The following RPS6KC1 variants were observed in gnomAD, a reference collection of about 807,000 sequenced individuals.
The protein encoded by RPS6KC1 is inactive ribosomal protein S6 kinase delta-1.
Under a neutral mutation model 103.8 loss-of-function variants are expected in RPS6KC1, and 54 were observed. The ratio of observed to expected loss-of-function variants is 0.52; its 90% CI spans 0.42 to 0.65. The LOEUF is 0.65. Among genes scored for constraint, RPS6KC1 ranks in the 30% least tolerant of loss-of-function variants. RPS6KC1 has a pLI of 0.00. For missense variants in RPS6KC1, 1,151 were observed against 1,253.8 expected (o/e 0.92, Z 1.24); for synonymous variants, 439 against 438.7 (o/e 1.00, Z -0.01).
At chr1:213,729,772 A>AT in the RPS6KC1 span, among the ~76,000 whole-genome samples, 141 of 147,588 alleles carry the variant, frequency 9.6e-4, no homozygotes, top group Middle Eastern at 6.9e-3. Flanking sequence ...ATGAATTGTT[A>AT]TTTTTTTTTT....
intron 6 of RPS6KC1, among the ~76,000 whole-genome samples, chr1:213,146,025 AC>A (rs973426559): frequency 2.0e-5 from 2 of 101,512 alleles, no homozygotes; most frequent in Non-Finnish European, 3.8e-5. Context: ...CCTCCCTGTA[AC>A]CCCCCCACTA....
the RPS6KC1 span, among the ~76,000 whole-genome samples, chr1:213,314,036 C>T: frequency 1.3e-5 from 2 of 152,096 alleles, no homozygotes; most frequent in African/African-American, 2.4e-5. Context: ...TTGGCAGGGC[C>T]CTGCTTCCTC....
At chr1:213,393,338 A>T in the RPS6KC1 span, among the ~76,000 whole-genome samples, 1 of 152,162 alleles carries the variant, frequency 6.6e-6, no homozygotes, top group Non-Finnish European at 1.5e-5. Context: ...CTGCCATTCC[A>T]CCAAGAATCC....
At chr1:213,785,729 A>G in the RPS6KC1 span, among the ~76,000 whole-genome samples, 1 of 152,180 alleles carries the variant, frequency 6.6e-6, no homozygotes, top group Admixed American at 6.5e-5. Context: ...TTTATAGCCT[A>G]GTTTTCATTA....
chr1:213,057,576 T>C (rs567712394), intron 1 of RPS6KC1, among the ~76,000 whole-genome samples: 4 of 152,194 alleles, frequency 2.6e-5, no homozygotes, highest in South Asian at 4.1e-4. Context: ...TAGAATCATA[T>C]AGTATTTAGC....
chr1:213,636,306 G>T, the RPS6KC1 span, among the ~76,000 whole-genome samples: 3 of 152,154 alleles, frequency 2.0e-5, no homozygotes, highest in Non-Finnish European at 4.4e-5. Flanking sequence ...AGCCCTCATT[G>T]CCAAGAGAAA....
At chr1:213,163,188 T>G (rs1431489035) in intron 6 of RPS6KC1, among the ~76,000 whole-genome samples, 1 of 152,114 alleles carries the variant, frequency 6.6e-6, no homozygotes, top group African/African-American at 2.4e-5. Flanking sequence ...GTGACTAAAG[T>G]TGTTAACAAC....
chr1:213,848,268 A>C, the RPS6KC1 span, among the ~76,000 whole-genome samples: 1 of 152,208 alleles, frequency 6.6e-6, no homozygotes, highest in South Asian at 2.1e-4. Flanking sequence ...AAAATACCCC[A>C]AAATTCATGT....
the RPS6KC1 span, among the ~76,000 whole-genome samples, chr1:213,662,428 A>T: frequency 1.4e-3 from 174 of 120,960 alleles, 3 homozygotes; most frequent in Non-Finnish European, 2.2e-3. Context: ...CACCTGGCTA[A>T]TTTTTTTTTT....
chr1:213,803,480 CAGGTGATCCG>C, the RPS6KC1 span, among the ~76,000 whole-genome samples: 1 of 152,074 alleles, frequency 6.6e-6, no homozygotes, highest in African/African-American at 2.4e-5. Context: ...CTCCCGATCC[CAGGTGATCCG>C]CCCGCCTCGG....
At chr1:213,646,895 A>ATATATG in the RPS6KC1 span, among the ~76,000 whole-genome samples, 1 of 148,730 alleles carries the variant, frequency 6.7e-6, no homozygotes, top group Non-Finnish European at 1.5e-5. Context: ...ATATATATAT[A>ATATATG]TATTTTTGTT....
chr1:213,337,709 TACTC>T, the RPS6KC1 span, among the ~76,000 whole-genome samples: 1 of 152,200 alleles, frequency 6.6e-6, no homozygotes, highest in Non-Finnish European at 1.5e-5. Context: ...TACATCCACT[TACTC>T]ATTTATTCAT....
the RPS6KC1 span, among the ~76,000 whole-genome samples, chr1:213,576,062 G>C: frequency 6.6e-6 from 1 of 152,148 alleles, no homozygotes; most frequent in Non-Finnish European, 1.5e-5. Context: ...GGACCTTGCT[G>C]AAGGGTTGGG....
chr1:213,195,846 G>GTGTGTATA (rs553713944), intron 8 of RPS6KC1, among the ~76,000 whole-genome samples: 5 of 150,838 alleles, frequency 3.3e-5, no homozygotes, highest in African/African-American at 1.2e-4. Context: ...GTGTGTGTGT[G>GTGTGTATA]TATATATATA....
the RPS6KC1 span, among the ~76,000 whole-genome samples, chr1:213,466,033 T>C: frequency 2.6e-5 from 4 of 152,136 alleles, no homozygotes; most frequent in African/African-American, 4.8e-5. Flanking sequence ...TGCACAGAAG[T>C]GGGGAGGAAA....
At chr1:213,496,441 G>A in the RPS6KC1 span, among the ~76,000 whole-genome samples, 1 of 152,018 alleles carries the variant, frequency 6.6e-6, no homozygotes, top group Non-Finnish European at 1.5e-5. Flanking sequence ...CAGAGTGAAA[G>A]GCAGAGATCA....
the RPS6KC1 span, among the ~76,000 whole-genome samples, chr1:213,717,014 A>T: frequency 4.6e-5 from 7 of 152,248 alleles, no homozygotes; most frequent in Non-Finnish European, 8.8e-5. Context: ...GAAGGTTGGG[A>T]AGAAGGTTTA....
chr1:213,539,110 T>C, the RPS6KC1 span, among the ~76,000 whole-genome samples: 1 of 152,216 alleles, frequency 6.6e-6, no homozygotes, highest in Non-Finnish European at 1.5e-5. Context: ...GCATGCAGTC[T>C]GCATGAAGGC....
At chr1:213,527,151 C>T in the RPS6KC1 span, among the ~76,000 whole-genome samples, 40 of 152,274 alleles carry the variant, frequency 2.6e-4, no homozygotes, top group African/African-American at 6.7e-4. Flanking sequence ...TTGTAAAGCT[C>T]GTAGAGGTCC....
Sources: allele counts gnomAD v4.1 joint callset (sites outside exome capture counted in the v4.1 genomes callset), GRCh38; gene constraint gnomAD v4.1.1; transcripts MANE v1.5; gene names NCBI Gene and HGNC (gene_info 2026-07-23, HGNC 2026-07-21).